ZIM2: variants seen among roughly 807,000 people sequenced by gnomAD.
The protein encoded by ZIM2 is zinc finger imprinted 2.
In ZIM2, 14 loss-of-function variants were observed where a neutral mutation model predicts 38.6. The observed-to-expected ratio is 0.36, with a 90% CI of 0.24 to 0.57. The LOEUF is 0.57. ZIM2 is among the 20% of genes least tolerant of loss of function. ZIM2 has a pLI of 0.81. For missense variants in ZIM2, 680 were observed against 695.1 expected (o/e 0.98, Z 0.24); for synonymous variants, 247 against 245.8 (o/e 1.00, Z -0.04).
At chr19:56,787,880 G>A (rs1426752134) in intron 10 of ZIM2, among the ~76,000 whole-genome samples, 1 of 151,750 alleles carries the variant, frequency 6.6e-6, no homozygotes, top group Non-Finnish European at 1.5e-5. Flanking sequence ...TTGTGTAGAG[G>A]TGTTTATAGT....
chr19:56,781,841 G>T, intron 11 of ZIM2, 112 bp downstream of exon 11: 1 of 1,374,540 alleles, frequency 7.3e-7, no homozygotes, highest in Non-Finnish European at 9.9e-7. Context: ...TCTGACCTGG[G>T]TTGAGACTCA....
intron 9 of ZIM2, chr19:56,813,204 A>T: frequency 1.1e-6 from 1 of 906,938 alleles, no homozygotes; most frequent in Non-Finnish European, 1.3e-6. Context: ...CCTCCTCCAA[A>T]AAAAAAAAAA....
At chr19:56,776,336 C>T (rs2046007069) in intron 12 of ZIM2, among the ~76,000 whole-genome samples, 2 of 152,062 alleles carry the variant, frequency 1.3e-5, no homozygotes, top group African/African-American at 4.8e-5. Flanking sequence ...AAGGGGGCTC[C>T]ACTGTCAAGT....
chr19:56,807,644 G>T (rs1381127813), intron 9 of ZIM2, among the ~76,000 whole-genome samples: 1 of 152,050 alleles, frequency 6.6e-6, no homozygotes, highest in East Asian at 1.9e-4. Context: ...TTAAAAAATT[G>T]GCTGGGTGTG....
At chr19:56,781,187 G>C (rs1429991066) in intron 11 of ZIM2, among the ~76,000 whole-genome samples, 1 of 152,176 alleles carries the variant, frequency 6.6e-6, no homozygotes, top group Non-Finnish European at 1.5e-5. Context: ...CCCTGTGCTA[G>C]GTTTGGGGTA....
At chr19:56,795,320 C>G (rs1189089520) in intron 9 of ZIM2, among the ~76,000 whole-genome samples, 2 of 152,210 alleles carry the variant, frequency 1.3e-5, no homozygotes, top group Non-Finnish European at 2.9e-5. Flanking sequence ...GGGCCCGCCG[C>G]GGAGTCTTCC....
chr19:56,823,496 G>A (rs1368781516), intron 5 of ZIM2, 94 bp downstream of exon 5: 28 of 1,445,298 alleles, frequency 1.9e-5, no homozygotes. Flanking sequence ...GGGGATGGCG[G>A]GTCATCTTCA....
At chr19:56,817,333 G>A (rs770236115) in intron 9 of ZIM2, 2 of 1,613,908 alleles carry the variant, frequency 1.2e-6, no homozygotes, top group East Asian at 4.5e-5. Context: ...TCCCCTAAAT[G>A]CATTCCCTTC....
At chr19:56,817,025 T>C (rs755031566) in intron 9 of ZIM2, 14 of 1,614,032 alleles carry the variant, frequency 8.7e-6, no homozygotes, top group East Asian at 2.2e-5. Context: ...CTAGTATGCA[T>C]GATCTGGTGC....
intron 9 of ZIM2, chr19:56,810,131 C>T (rs900775295): frequency 5.2e-6 from 5 of 966,534 alleles, no homozygotes; most frequent in South Asian, 4.8e-5. Flanking sequence ...GATAGAATGA[C>T]CACAACCATA....
At position 56,836,070 on chromosome 19, in the gene ZIM2, G is replaced by A. The variant is rs1003050222; in HGVS notation, c.-279C>T. 8 of 504,316 alleles carry A rather than the reference G, an allele frequency of 1.6e-5. No homozygotes were observed. The highest frequency in any genetic ancestry group is 1.2e-4 in the African/African-American group (6 of 51,688). 31.2% of individuals were successfully genotyped at this position (504,316 alleles called of 1,614,324 possible). The stretch of plus-strand genomic sequence containing the variant: ...CTAGTCCCTCTTCCTCTCGCCAGTC[G>A]TCTCCAAGAAGGACGGAAGATCAAG... On this transcript the variant is annotated 5_prime_UTR_variant, in exon 2 of 13. It adds an upstream start codon to the 5' untranslated region. Coordinates refer to ENST00000629319, the MANE Select transcript of ZIM2 (RefSeq NM_001387356.1).
At chr19:56,780,664 T>C (rs555593240) in intron 11 of ZIM2, among the ~76,000 whole-genome samples, 12 of 152,206 alleles carry the variant, frequency 7.9e-5, no homozygotes, top group Non-Finnish European at 1.3e-4. Flanking sequence ...ACTAAGGTTA[T>C]TGAGTGCTAG....
At chr19:56,791,507 A>G (rs1444582183) in intron 9 of ZIM2, among the ~76,000 whole-genome samples, 1 of 152,210 alleles carries the variant, frequency 6.6e-6, no homozygotes, top group East Asian at 1.9e-4. Flanking sequence ...TGAGCCATGC[A>G]TGGCTCTCAT....
intron 9 of ZIM2, chr19:56,813,823 C>CTGAGCACTCCTG: frequency 6.2e-7 from 1 of 1,614,142 alleles, no homozygotes; most frequent in Non-Finnish European, 8.5e-7. Flanking sequence ...TGAGCACTCC[C>CTGAGCACTCCTG]CAAAGGCATT....
At position 56,818,651 on chromosome 19, in the gene ZIM2, G is replaced by A. The variant is rs774519565; in HGVS notation, c.346C>T (p.His116Tyr). The change falls in exon 8 of 13, where the codon CAC (histidine) becomes TAC (tyrosine). Residue 116 changes from histidine (H) to tyrosine (Y), a missense_variant. Coordinates refer to ENST00000629319, the MANE Select transcript of ZIM2 (RefSeq NM_001387356.1). The part of the protein sequence containing the change: ...VVDLAEDRKP[H>Y]NTIQDNMENY... Reference sequence around the variant, plus strand: ...TCCATGTTGTCCTGGATTGTGTTGTGAGGTTTCCTGTCCTCAGCGAGGTCC... The same window carrying A: ...TCCATGTTGTCCTGGATTGTGTTGTAAGGTTTCCTGTCCTCAGCGAGGTCC... 3 of 1,614,160 alleles carry A rather than the reference G, an allele frequency of 1.9e-6. No homozygotes were observed. In the Admixed American group the frequency reaches 5.0e-5, roughly 27 times the overall value.
rs979445331 is a variant in ZIM2, at chr19:56,775,595, T to C, written c.836-66A>G. The C allele has an allele frequency of 8.5e-6, 13 of 1,520,796 alleles. No homozygotes were observed. The African/African-American group carries it at 1.1e-4, about 13-fold the overall frequency. The allele number at this position is 1,520,796 out of a possible 1,614,324, so 94.2% of individuals were successfully genotyped here. A position where few individuals can be genotyped will look rare whatever the true frequency, so the allele number is the denominator to read the frequency against. On this transcript the variant is annotated intron_variant, in intron 12 of 12. Transcript: ENST00000629319. ...CCAATCCTGCCCCCCAATAATGATA[T>C]TTCTATAGGCAGGCTTTGCCCTGGA...
At chr19:56,779,353 C>G (rs1209596540) in intron 12 of ZIM2, 24 bp downstream of exon 12, 3 of 1,611,756 alleles carry the variant, frequency 1.9e-6, no homozygotes, top group Non-Finnish European at 2.5e-6. Context: ...CTCCTACACC[C>G]CGGGCTTCCC....
chr19:56,799,650 C>T (rs73064718), intron 9 of ZIM2: 39,055 of 152,040 alleles, frequency 0.26, 5,137 homozygotes, highest in East Asian at 0.38. Context: ...TACCTACTAC[C>T]TGATCCAGTG....
chr19:56,821,260 C>T (rs1167073616), intron 7 of ZIM2, among the ~76,000 whole-genome samples: 1 of 152,212 alleles, frequency 6.6e-6, no homozygotes, highest in Non-Finnish European at 1.5e-5. Flanking sequence ...TTAAACCCAG[C>T]TCCTGTCAGC....
Sources: gnomAD v4.1 joint callset for allele counts (sites outside exome capture counted in the v4.1 genomes callset) on GRCh38, gnomAD v4.1.1 for gene constraint, MANE v1.5 for transcripts, NCBI Gene and HGNC (gene_info 2026-07-23, HGNC 2026-07-21) for gene names.